NEK1: variants seen among roughly 807,000 people sequenced by gnomAD.
The protein encoded by NEK1 is serine/threonine-protein kinase Nek1.
A neutral mutation model predicts 182.1 loss-of-function variants in NEK1; 137 were observed. That is an observed-to-expected ratio of 0.75 (90% CI 0.65 to 0.87). NEK1 has a LOEUF of 0.87. Among genes scored for constraint, NEK1 ranks in the 40% least tolerant of loss-of-function variants. The pLI, the probability that NEK1 is intolerant of heterozygous loss-of-function variation, is 0.00. For synonymous variants in NEK1, 513 were observed against 492.2 expected (o/e 1.04, Z -0.56); for missense variants, 1,391 against 1,494.4 (o/e 0.93, Z 1.14).
intron 19 of NEK1, among the ~76,000 whole-genome samples, chr4:169,537,501 A>T (rs1758699386): frequency 2.6e-5 from 4 of 151,388 alleles, no homozygotes; most frequent in Non-Finnish European, 4.4e-5. Flanking sequence ...CCAAGAACTT[A>T]TTTCTTTATC....
chr4:169,602,156 TA>T (rs1177573552), intron 3 of NEK1, 52 bp from the exon 4 acceptor site: 1 of 1,289,572 alleles, frequency 7.8e-7, no homozygotes, highest in Non-Finnish European at 1.1e-6. Context: ...ATAAACAACC[TA>T]AAAGTCCATC....
chr4:169,401,892 A>G (rs1731755546), intron 32 of NEK1, 32 bp from the exon 33 acceptor site: 2 of 1,539,210 alleles, frequency 1.3e-6, no homozygotes, highest in African/African-American at 1.4e-5. Context: ...TAAAAGTTTC[A>G]AACATACTGA....
chr4:169,494,796 G>T (rs937786350), intron 23 of NEK1, among the ~76,000 whole-genome samples: 5 of 152,196 alleles, frequency 3.3e-5, no homozygotes, highest in Non-Finnish European at 7.3e-5. Flanking sequence ...CATTCTAACT[G>T]GTGTGAGATG....
At chr4:169,557,455 G>T (rs1292154902) in intron 16 of NEK1, among the ~76,000 whole-genome samples, 2 of 152,120 alleles carry the variant, frequency 1.3e-5, no homozygotes, top group African/African-American at 4.8e-5. Flanking sequence ...AAATGCAAAG[G>T]TCAACTTATT....
intron 18 of NEK1, among the ~76,000 whole-genome samples, chr4:169,547,115 T>C (rs1408536035): frequency 6.6e-6 from 1 of 152,190 alleles, no homozygotes; most frequent in Non-Finnish European, 1.5e-5. Flanking sequence ...CTGGTACCAG[T>C]TGTTCCTTTC....
At chr4:169,549,583 TG>T (rs1761104597) in intron 18 of NEK1, among the ~76,000 whole-genome samples, 1 of 149,294 alleles carries the variant, frequency 6.7e-6, no homozygotes, top group African/African-American at 2.5e-5. Context: ...CCACCATGCC[TG>T]GCTAATTTTT....
intron 23 of NEK1, among the ~76,000 whole-genome samples, chr4:169,489,271 G>A (rs997507685): frequency 3.3e-5 from 5 of 152,110 alleles, no homozygotes; most frequent in Admixed American, 6.6e-5. Context: ...ATAGAGGGGC[G>A]GAGGGAGGGA....
At chr4:169,570,485 G>A (rs1048773873) in intron 12 of NEK1, among the ~76,000 whole-genome samples, 2 of 149,446 alleles carry the variant, frequency 1.3e-5, no homozygotes, top group African/African-American at 5.0e-5. Context: ...CCGGCCAGCC[G>A]CCCCGTCCGG....
intron 16 of NEK1, among the ~76,000 whole-genome samples, chr4:169,557,555 T>A (rs1762328106): frequency 6.6e-6 from 1 of 151,708 alleles, no homozygotes; most frequent in Admixed American, 6.6e-5. Flanking sequence ...GTGTGTGAAG[T>A]GATGAGAACA....
intron 16 of NEK1, among the ~76,000 whole-genome samples, chr4:169,559,687 G>T (rs1292173635): frequency 6.6e-6 from 1 of 152,144 alleles, no homozygotes; most frequent in Non-Finnish European, 1.5e-5. Flanking sequence ...ATTAATGGGT[G>T]TACATGAGTG....
intron 27 of NEK1, among the ~76,000 whole-genome samples, chr4:169,442,218 C>T (rs1047720116): frequency 6.6e-6 from 1 of 152,118 alleles, no homozygotes; most frequent in African/African-American, 2.4e-5. Context: ...CAGCATGCTG[C>T]CAAGACTGGG....
intron 31 of NEK1, among the ~76,000 whole-genome samples, chr4:169,419,526 G>A (rs2040696298): frequency 6.6e-6 from 1 of 152,054 alleles, no homozygotes; most frequent in South Asian, 2.1e-4. Flanking sequence ...GAATGTTTAA[G>A]CAAAAATAAT....
intron 27 of NEK1, among the ~76,000 whole-genome samples, chr4:169,455,585 T>G (rs969457811): frequency 6.6e-6 from 1 of 152,162 alleles, no homozygotes; most frequent in African/African-American, 2.4e-5. Context: ...TAAATATATA[T>G]GCATCCAATA....
chr4:169,483,993 T>A (rs67414895), intron 23 of NEK1, among the ~76,000 whole-genome samples: 42,834 of 151,986 alleles, frequency 0.28, 8,573 homozygotes, highest in African/African-American at 0.57. Flanking sequence ...ATTACTATAG[T>A]ATATAAATTC....
At chr4:169,468,599 G>A (rs1363903984) in intron 26 of NEK1, among the ~76,000 whole-genome samples, 2 of 151,894 alleles carry the variant, frequency 1.3e-5, no homozygotes, top group African/African-American at 4.8e-5. Flanking sequence ...CAAACCAATT[G>A]ATGGTTTTGC....
At chr4:169,463,481 A>G (rs529361033) in intron 26 of NEK1, 86 bp from the exon 27 acceptor site, 55 of 923,162 alleles carry the variant, frequency 6.0e-5, no homozygotes, top group Non-Finnish European at 7.6e-5. Context: ...CTTTTATCCA[A>G]TTGAGTGGTT....
chr4:169,511,267 A>C (rs1754133557), intron 19 of NEK1, among the ~76,000 whole-genome samples: 1 of 152,100 alleles, frequency 6.6e-6, no homozygotes, highest in Non-Finnish European at 1.5e-5. Context: ...ATAGCTTATC[A>C]GTATTTGAGC....
At chr4:169,486,296 G>GT (rs1411912920) in intron 23 of NEK1, among the ~76,000 whole-genome samples, 1 of 151,766 alleles carries the variant, frequency 6.6e-6, no homozygotes, top group Non-Finnish European at 1.5e-5. Context: ...TCTACTTCAC[G>GT]TGTCAATTTT....
rs561396201 is a variant in NEK1, at chr4:169,596,502, C to T, written c.312+2598G>A. Among the ~76,000 whole-genome samples, 176 of 152,212 alleles carry T rather than the reference C, an allele frequency of 1.2e-3. 2 individuals are homozygous for T. Among genetic ancestry groups the T allele is most frequent in the African/African-American group, 3.9e-3 (162 of 41,536 alleles). On this transcript the variant is annotated intron_variant, in intron 5 of 35. Transcript: ENST00000507142. ...TTAAAATATCTATGTAGAGACTGTC[C>T]AAGGGAACGTACTTAGTTCATCTCA...
Sources: allele counts gnomAD v4.1 joint callset (sites outside exome capture counted in the v4.1 genomes callset), GRCh38; gene constraint gnomAD v4.1.1; transcripts MANE v1.5; gene names NCBI Gene and HGNC (gene_info 2026-07-23, HGNC 2026-07-21).